COL5A2: variants seen among roughly 807,000 people sequenced by gnomAD.
The protein encoded by COL5A2 is collagen type V alpha 2 chain, also known as collagen alpha-2(V) chain.
COL5A2 carries 23 observed loss-of-function variants against 208.2 expected under a neutral mutation model. That is an observed-to-expected ratio of 0.11 (90% CI 0.08 to 0.16). COL5A2 has a LOEUF of 0.16. Ranked by LOEUF, COL5A2 falls within the 10% of genes least tolerant of loss-of-function variation. COL5A2 has a pLI of 1.00. For synonymous variants in COL5A2, 625 were observed against 628.5 expected (o/e 0.99, Z 0.08); for missense variants, 1,590 against 1,956.4 (o/e 0.81, Z 3.53).
At chr2:189,195,570 C>T (rs1688990070) in intron 1 of COL5A2, among the ~76,000 whole-genome samples, 1 of 152,146 alleles carries the variant, frequency 6.6e-6, no homozygotes, top group African/African-American at 2.4e-5. Context: ...AAGTATACTA[C>T]AAGTCTACAG....
intron 1 of COL5A2, among the ~76,000 whole-genome samples, chr2:189,209,355 G>A (rs1336928734): frequency 6.6e-6 from 1 of 152,166 alleles, no homozygotes; most frequent in South Asian, 2.1e-4. Context: ...GATAAAGTAA[G>A]TCAGTGGCTA....
the COL5A2 span, among the ~76,000 whole-genome samples, chr2:189,329,498 T>C: frequency 6.6e-6 from 1 of 152,174 alleles, no homozygotes; most frequent in African/African-American, 2.4e-5. Context: ...AAAAGACAAC[T>C]ATGTCAAGTA....
the COL5A2 span, among the ~76,000 whole-genome samples, chr2:189,368,556 T>G: frequency 6.5e-4 from 99 of 152,316 alleles, 2 homozygotes; most frequent in South Asian, 0.02. Context: ...CTTCATGCAT[T>G]ACCTAACACT....
chr2:189,118,432 T>C (rs1408414640), intron 1 of COL5A2, among the ~76,000 whole-genome samples: 2 of 152,106 alleles, frequency 1.3e-5, no homozygotes, highest in East Asian at 1.9e-4. Context: ...TTTTCCCTGA[T>C]ACAGAAGAAT....
chr2:189,402,626 T>C, the COL5A2 span, among the ~76,000 whole-genome samples: 1 of 152,230 alleles, frequency 6.6e-6, no homozygotes, highest in African/African-American at 2.4e-5. Flanking sequence ...TAGCCAGTTC[T>C]CCCAGCACCA....
At chr2:189,120,668 C>G (rs1296892316) in intron 1 of COL5A2, among the ~76,000 whole-genome samples, 1 of 151,916 alleles carries the variant, frequency 6.6e-6, no homozygotes, top group Non-Finnish European at 1.5e-5. Context: ...CCTTAGACAC[C>G]AAGACAGTCT....
chr2:189,168,098 T>C (rs1487370145), intron 1 of COL5A2, among the ~76,000 whole-genome samples: 3 of 151,930 alleles, frequency 2.0e-5, no homozygotes, highest in Non-Finnish European at 4.4e-5. Flanking sequence ...CCACCACGCC[T>C]GGCTAAATTT....
chr2:189,227,037 C>G (rs1004442869), upstream of COL5A2, among the ~76,000 whole-genome samples: 1 of 152,126 alleles, frequency 6.6e-6, no homozygotes, highest in African/African-American at 2.4e-5. Context: ...TCTACACATG[C>G]AAAGCCCAGA....
chr2:189,209,053 G>C (rs1689176641), intron 1 of COL5A2, among the ~76,000 whole-genome samples: 1 of 151,846 alleles, frequency 6.6e-6, no homozygotes, highest in Admixed American at 6.6e-5. Flanking sequence ...CCTGCTTCAT[G>C]GGGGTCTTTA....
At chr2:189,039,640 G>T in intron 50 of COL5A2, 77 bp from the exon 51 acceptor site, 1 of 1,382,976 alleles carries the variant, frequency 7.2e-7, no homozygotes, top group Non-Finnish European at 9.9e-7. Context: ...GGTTCATAGG[G>T]AGTTCCAATG....
At chr2:189,051,031 T>A (rs1685775799) in intron 42 of COL5A2, among the ~76,000 whole-genome samples, 1 of 152,110 alleles carries the variant, frequency 6.6e-6, no homozygotes, top group African/African-American at 2.4e-5. Flanking sequence ...TAAAGGCATT[T>A]GCATATAAAA....
intron 17 of COL5A2, among the ~76,000 whole-genome samples, chr2:189,072,308 T>C (rs1686292914): frequency 6.6e-6 from 1 of 152,204 alleles, no homozygotes; most frequent in Non-Finnish European, 1.5e-5. Flanking sequence ...TTAAACATAA[T>C]TGGATTACTC....
the COL5A2 span, among the ~76,000 whole-genome samples, chr2:189,435,818 C>T: frequency 6.6e-6 from 1 of 152,176 alleles, no homozygotes; most frequent in Admixed American, 6.5e-5. Flanking sequence ...CCAGCCATCC[C>T]ATTACTGGGT....
the COL5A2 span, among the ~76,000 whole-genome samples, chr2:189,392,048 T>C: frequency 2.2e-3 from 337 of 152,258 alleles, 1 homozygote; most frequent in Non-Finnish European, 4.4e-3. Context: ...TAATATTCCT[T>C]TATTCTCACT....
intron 1 of COL5A2, among the ~76,000 whole-genome samples, chr2:189,162,501 T>C (rs1432102133): frequency 1.3e-5 from 2 of 152,160 alleles, no homozygotes; most frequent in South Asian, 2.1e-4. Context: ...CTTCTGAAGA[T>C]AGAATGGGAT....
intron 1 of COL5A2, among the ~76,000 whole-genome samples, chr2:189,143,852 T>C (rs1428877516): frequency 6.6e-6 from 1 of 152,094 alleles, no homozygotes; most frequent in Non-Finnish European, 1.5e-5. Flanking sequence ...ATGAAGACAT[T>C]ATAATAACAT....
chr2:189,046,325 T>A (rs1380972654), intron 45 of COL5A2, among the ~76,000 whole-genome samples: 2 of 152,208 alleles, frequency 1.3e-5, no homozygotes, highest in African/African-American at 4.8e-5. Context: ...TCTCCTTATG[T>A]ATTCTTTCAG....
At chr2:189,434,215 C>T in the COL5A2 span, among the ~76,000 whole-genome samples, 3 of 152,132 alleles carry the variant, frequency 2.0e-5, no homozygotes, top group African/African-American at 7.2e-5. Context: ...AAACCCACAG[C>T]GAATATCATA....
chr2:189,195,664 A>G (rs1003074111), intron 1 of COL5A2, among the ~76,000 whole-genome samples: 3 of 152,186 alleles, frequency 2.0e-5, no homozygotes, highest in Admixed American at 6.5e-5. Flanking sequence ...AACACCACGT[A>G]TCTACAGCCA....
Sources: allele counts gnomAD v4.1 joint callset (sites outside exome capture counted in the v4.1 genomes callset), GRCh38; gene constraint gnomAD v4.1.1; transcripts MANE v1.5; gene names NCBI Gene and HGNC (gene_info 2026-07-23, HGNC 2026-07-21).